WDFY1: variants seen among roughly 807,000 people sequenced by gnomAD.
WDFY1 encodes the protein WD repeat and FYVE domain containing 1.
WDFY1 carries 32 observed loss-of-function variants against 56.4 expected under a neutral mutation model. The ratio of observed to expected loss-of-function variants is 0.57; its 90% CI spans 0.43 to 0.76. WDFY1 has a LOEUF of 0.76. Among genes scored for constraint, WDFY1 ranks in the 30% least tolerant of loss-of-function variants. The pLI is 0.00. For missense variants in WDFY1, 480 were observed against 545.7 expected, an observed-to-expected ratio of 0.88 and a Z score of 1.20; for synonymous variants, 192 against 197.3, an observed-to-expected ratio of 0.97 and a Z score of 0.23.
chr2:223,881,542 C>T (rs1394572325), intron 10 of WDFY1, among the ~76,000 whole-genome samples: 1 of 152,212 alleles, frequency 6.6e-6, no homozygotes, highest in Non-Finnish European at 1.5e-5. Flanking sequence ...GTAATCCTGG[C>T]ACTTTGAGAG....
intron 3 of WDFY1, among the ~76,000 whole-genome samples, chr2:223,906,304 T>C (rs1693597501): frequency 6.6e-6 from 1 of 152,090 alleles, no homozygotes; most frequent in African/African-American, 2.4e-5. Flanking sequence ...CTACAAAACT[T>C]TATTCTCTTA....
intron 4 of WDFY1, among the ~76,000 whole-genome samples, chr2:223,905,091 A>G (rs1264736003): frequency 6.6e-6 from 1 of 152,214 alleles, no homozygotes; most frequent in East Asian, 1.9e-4. Flanking sequence ...TAAAGCTTAA[A>G]TCATTTTCAA....
At chr2:223,907,093 G>A (rs1045609696) in intron 3 of WDFY1, among the ~76,000 whole-genome samples, 4 of 151,940 alleles carry the variant, frequency 2.6e-5, no homozygotes, top group African/African-American at 9.7e-5. Flanking sequence ...TTGTGCCTCA[G>A]AGTCCTGAGT....
rs1692963186 is a variant in WDFY1, at chr2:223,875,983, C to CAAT, written c.*2685_*2687dup. ...GAGAACAAAGTAATACATTCTAGAG[C>CAAT]AATAGTATTTCTTTATATCCTTTAG... On this transcript the variant is annotated 3_prime_UTR_variant, in exon 12 of 12. Transcript: ENST00000233055. The CAAT allele has an allele frequency of 6.6e-6, 1 of 152,032 alleles. No homozygotes were observed. Among genetic ancestry groups the CAAT allele is most frequent in the Non-Finnish European group, 1.5e-5 (1 of 67,992 alleles). 9.4% of individuals were successfully genotyped at this position (152,032 alleles called of 1,614,324 possible). A position where few individuals can be genotyped will look rare whatever the true frequency, so the allele number is the denominator to read the frequency against.
chr2:223,878,736 AG>A lies in WDFY1; in HGVS notation c.1174-7del, dbSNP rs765735443. On this transcript the variant is annotated splice_polypyrimidine_tract_variant and splice_region_variant and intron_variant, in intron 11 of 11. Transcript: ENST00000233055. ...ACAGGTGTCATGTCCCAGATCTACA[AG>A]GAAGGAAGAAACGCAGAAAAGGCAG... 1 of 1,611,766 alleles carries A rather than the reference AG, an allele frequency of 6.2e-7. No homozygotes were observed. Among genetic ancestry groups the A allele is most frequent in the Non-Finnish European group, 8.5e-7 (1 of 1,178,652 alleles).
intron 4 of WDFY1, among the ~76,000 whole-genome samples, chr2:223,905,422 A>T (rs1693580488): frequency 6.6e-6 from 1 of 152,302 alleles, no homozygotes; most frequent in African/African-American, 2.4e-5. Flanking sequence ...TGGGAGACTG[A>T]GGTGGGAGGG....
rs1419541352 is a variant in WDFY1 at position 223,895,595 on chromosome 2, G to A, written c.634C>T (p.Arg212Trp). The A allele has an allele frequency of 7.4e-6, 12 of 1,613,920 alleles. No homozygotes were observed. Among genetic ancestry groups the A allele is most frequent in the Non-Finnish European group, 1.0e-5 (12 of 1,179,954 alleles). Residue 212 changes from arginine to tryptophan, a missense_variant, in exon 7 of 12, where the codon CGG (arginine) becomes TGG (tryptophan). Arg to Trp is a moderately radical substitution (Grantham distance 101). Coordinates refer to ENST00000233055, the MANE Select transcript of WDFY1 (RefSeq NM_020830.5). The part of the protein sequence containing the change: ...VACLWWDPIQ[R>W]LLFSGASDNS... ...TCAGATGCTCCTGAGAAGAGTAACCGCTGAATAGGGTCCCACCAGAGGCAG... is the reference window on the plus strand; with the variant it reads ...TCAGATGCTCCTGAGAAGAGTAACCACTGAATAGGGTCCCACCAGAGGCAG...
chr2:223,892,234 C>A (rs948002491), intron 8 of WDFY1, among the ~76,000 whole-genome samples: 4 of 152,186 alleles, frequency 2.6e-5, no homozygotes, highest in Non-Finnish European at 5.9e-5. Context: ...CCTCAGCCTC[C>A]CAAAGCGCTG....
intron 1 of WDFY1, among the ~76,000 whole-genome samples, chr2:223,925,584 G>T (rs766363789): frequency 1.3e-5 from 2 of 152,204 alleles, no homozygotes; most frequent in Non-Finnish European, 2.9e-5. Flanking sequence ...AGACAACCAA[G>T]AAGTTTGTTG....
Position 223,901,261 on chromosome 2 carries a change from T to C in WDFY1, c.407A>G (p.Lys136Arg). The change falls in exon 5 of 12, where the codon AAG becomes AGG. Residue 136 changes from lysine (K) to arginine (R), a missense_variant. Physicochemically the swap from Lys to Arg is conservative, Grantham distance 26. Transcript: ENST00000233055. ...CCGCGTGCACATCCAGCTCACACAC[T>C]TGTCGTGGCCGGTACTGATCACCCA... ...TEWVISTGHD[K>R]CVSWMCTRSG... 2 of 1,614,094 alleles carry C rather than the reference T, an allele frequency of 1.2e-6. No homozygotes were observed. Among genetic ancestry groups the C allele is most frequent in the Non-Finnish European group, 1.7e-6 (2 of 1,180,014 alleles).
chr2:223,899,730 C>T (rs1442024587), intron 5 of WDFY1, among the ~76,000 whole-genome samples: 1 of 151,536 alleles, frequency 6.6e-6, no homozygotes, highest in East Asian at 1.9e-4. Flanking sequence ...GCCTGGGTGA[C>T]AGTGCAAGAC....
rs79540172 is a variant in WDFY1, at chr2:223,878,476, C to A, written c.*195G>T. 73 of 550,992 alleles carry A rather than the reference C, an allele frequency of 1.3e-4. 1 individual carries two copies. The East Asian group carries it at 2.2e-3, about 16-fold the overall frequency. 34.1% of individuals were successfully genotyped at this position (550,992 alleles called of 1,614,324 possible). ...TCTTCAGGGAACCACTATGGACAGA[C>A]CTTTTCCATATTAGTCCCCATGGGT... On this transcript the variant is annotated 3_prime_UTR_variant, in exon 12 of 12. Transcript: ENST00000233055.
At position 223,878,476 on chromosome 2, in the gene WDFY1, C is replaced by G. The variant is rs79540172; in HGVS notation, c.*195G>C. On this transcript the variant is annotated 3_prime_UTR_variant, in exon 12 of 12. Transcript: ENST00000233055. ...TCTTCAGGGAACCACTATGGACAGA[C>G]CTTTTCCATATTAGTCCCCATGGGT... is the stretch of plus-strand genomic sequence containing the variant. 5.4e-6 allele frequency: 3 copies of G among 550,876 alleles called. No individual in the cohort carries two copies. The highest frequency in any genetic ancestry group is 1.9e-5 in the African/African-American group (1 of 52,018). 34.1% of individuals were successfully genotyped at this position (550,876 alleles called of 1,614,324 possible).
chr2:223,896,173 A>AC (rs1559165586), intron 6 of WDFY1, among the ~76,000 whole-genome samples: 2 of 148,216 alleles, frequency 1.3e-5, no homozygotes, highest in African/African-American at 5.0e-5. Flanking sequence ...AAAAAAAAAA[A>AC]AAAAAAAAAA....
chr2:223,895,739 G>T, intron 6 of WDFY1, 109 bp from the exon 7 acceptor site: 1 of 1,458,080 alleles, frequency 6.9e-7, no homozygotes, highest in East Asian at 2.5e-5. Context: ...AGGAGCAGCT[G>T]AGTCTTTAAG....
In WDFY1 at chr2:223,878,677, C is replaced by T. The variant is rs766937223; in HGVS notation, c.1227G>A (p.Pro409=). Reference sequence around the variant, plus strand: ...ACGCCGCCCAGCTCTCAGATCAGTGCGGAGAAAACCCAGTCGCCAGACTGC... The same window carrying T: ...ACGCCGCCCAGCTCTCAGATCAGTGTGGAGAAAACCCAGTCGCCAGACTGC... ...VGCSLATGFS[P]H Residue 409 remains proline (P), a synonymous_variant, in exon 12 of 12, where the codon CCG becomes CCA. Coordinates refer to ENST00000233055, the MANE Select transcript of WDFY1 (RefSeq NM_020830.5). 8.7e-6 allele frequency: 14 copies of T among 1,613,610 alleles called. No individual in the cohort carries two copies. The Admixed American group carries it at 1.0e-4, about 12-fold the overall frequency.
intron 1 of WDFY1, among the ~76,000 whole-genome samples, chr2:223,933,002 G>A (rs564016433): frequency 1.3e-5 from 2 of 151,854 alleles, no homozygotes; most frequent in African/African-American, 2.4e-5. Context: ...TCCTTCCAAC[G>A]AGTCTCTGGA....
intron 1 of WDFY1, among the ~76,000 whole-genome samples, chr2:223,933,199 T>C (rs1180230500): frequency 6.6e-6 from 1 of 152,144 alleles, no homozygotes; most frequent in Non-Finnish European, 1.5e-5. Context: ...CAGGACAGCT[T>C]CAAGGGTCTG....
intron 8 of WDFY1, among the ~76,000 whole-genome samples, chr2:223,892,479 T>C (rs1019030658): frequency 2.6e-5 from 4 of 152,240 alleles, no homozygotes; most frequent in Admixed American, 1.3e-4. Flanking sequence ...TTATTATTTA[T>C]AGGGTAGTCT....
Sources: gnomAD v4.1 joint callset for allele counts (sites outside exome capture counted in the v4.1 genomes callset) on GRCh38, gnomAD v4.1.1 for gene constraint, MANE v1.5 for transcripts, NCBI Gene and HGNC (gene_info 2026-07-23, HGNC 2026-07-21) for gene names.